TTLL5: variants seen among roughly 807,000 people sequenced by gnomAD.
TTLL5 encodes the protein tubulin polyglutamylase TTLL5.
Under a neutral mutation model 168.4 loss-of-function variants are expected in TTLL5, and 132 were observed. The observed-to-expected ratio is 0.78, with a 90% CI of 0.68 to 0.91. TTLL5 has a LOEUF of 0.91. Among genes scored for constraint, TTLL5 ranks in the 40% least tolerant of loss-of-function variants. TTLL5 has a pLI of 0.00. For synonymous variants in TTLL5, 546 were observed against 558.6 expected, an observed-to-expected ratio of 0.98 and a Z score of 0.32; for missense variants, 1,545 against 1,581.5, an observed-to-expected ratio of 0.98 and a Z score of 0.39.
chr14:75,683,700 A>G, intron 5 of TTLL5, 44 bp downstream of exon 5: 1 of 1,456,042 alleles, frequency 6.9e-7, no homozygotes, highest in Non-Finnish European at 9.6e-7. Context: ...AAGGTACATG[A>G]CATTGGGGCA....
At chr14:75,859,736 A>C (rs904178098) in intron 28 of TTLL5, among the ~76,000 whole-genome samples, 1 of 152,198 alleles carries the variant, frequency 6.6e-6, no homozygotes, top group Non-Finnish European at 1.5e-5. Context: ...ATTGAAATAG[A>C]AAGTATGAGA....
intron 18 of TTLL5, chr14:75,757,965 T>C (rs900037011): frequency 8.2e-7 from 1 of 1,216,680 alleles, no homozygotes; most frequent in Non-Finnish European, 1.1e-6. Context: ...CATTTTTAGT[T>C]TGGTTCAGCT....
At chr14:75,860,076 G>T (rs1408023221) in intron 28 of TTLL5, among the ~76,000 whole-genome samples, 1 of 152,186 alleles carries the variant, frequency 6.6e-6, no homozygotes, top group Admixed American at 6.5e-5. Flanking sequence ...CTGGGCTTAT[G>T]TTACTGAGGA....
At chr14:75,823,440 T>C (rs555132449) in intron 28 of TTLL5, among the ~76,000 whole-genome samples, 2 of 152,128 alleles carry the variant, frequency 1.3e-5, no homozygotes, top group African/African-American at 2.4e-5. Flanking sequence ...CTGTAAAGTC[T>C]TGGCTGCTGC....
intron 5 of TTLL5, 120 bp downstream of exon 5, chr14:75,683,776 CTTTTT>C (rs11406886): frequency 3.9e-5 from 19 of 487,240 alleles, no homozygotes; most frequent in Admixed American, 3.5e-5. Context: ...AGAAGAAGGA[CTTTTT>C]TTTTTTTTTT....
At chr14:75,743,365 A>T (rs184112458) in intron 15 of TTLL5, among the ~76,000 whole-genome samples, 12 of 152,266 alleles carry the variant, frequency 7.9e-5, no homozygotes, top group Non-Finnish European at 1.2e-4. Flanking sequence ...AAAATGCCAT[A>T]GGCTGGGTGG....
At chr14:75,784,008 C>T (rs1265685408) in intron 26 of TTLL5, among the ~76,000 whole-genome samples, 2 of 152,158 alleles carry the variant, frequency 1.3e-5, no homozygotes, top group Non-Finnish European at 2.9e-5. Context: ...TTAATAACAG[C>T]TTTATTGAGA....
chr14:75,935,471 A>G (rs2034407788), intron 31 of TTLL5, among the ~76,000 whole-genome samples: 1 of 152,202 alleles, frequency 6.6e-6, no homozygotes, highest in South Asian at 2.1e-4. Flanking sequence ...TGACAACAAG[A>G]TGATAGGCTG....
At chr14:75,827,707 C>CCTTTTTT (rs1895278984) in intron 28 of TTLL5, among the ~76,000 whole-genome samples, 1 of 53,170 alleles carries the variant, frequency 1.9e-5, no homozygotes, top group Non-Finnish European at 3.1e-5. Context: ...TGGCTTGGTT[C>CCTTTTTT]TTTTTTTTTT....
At chr14:75,725,215 G>A (rs1888118889) in intron 12 of TTLL5, among the ~76,000 whole-genome samples, 1 of 152,214 alleles carries the variant, frequency 6.6e-6, no homozygotes, top group Non-Finnish European at 1.5e-5. Context: ...TTATAGGGAG[G>A]ATGTCCATAA....
intron 28 of TTLL5, among the ~76,000 whole-genome samples, chr14:75,834,459 A>G (rs1023474285): frequency 2.6e-5 from 4 of 152,178 alleles, no homozygotes; most frequent in South Asian, 2.1e-4. Flanking sequence ...CTTTATACCT[A>G]TGTTTTCATG....
intron 4 of TTLL5, among the ~76,000 whole-genome samples, chr14:75,683,288 A>G (rs1263885582): frequency 6.6e-6 from 1 of 152,244 alleles, no homozygotes; most frequent in Admixed American, 6.5e-5. Context: ...GAAATGCAAG[A>G]ATATTAAGAG....
In TTLL5 at chr14:75,715,287, G is replaced by A. The variant is rs971444266; in HGVS notation, c.741-2574G>A. 1.5e-4 allele frequency among the ~76,000 whole-genome samples: 6 copies of A among 39,708 alleles called. No individual in the cohort carries two copies. The East Asian group carries it at 3.6e-3, about 24-fold the overall frequency. 26.0% of individuals were successfully genotyped at this position (39,708 alleles called of 152,430 possible). ...TCCTTTTTTTTTTTTTTTTTTTTTT[G>A]TAACTCACCATCTTCCTCATGTGGG... is the stretch of plus-strand genomic sequence containing the variant. On this transcript the variant is annotated intron_variant, in intron 9 of 31. Transcript: ENST00000298832.
rs775057701 is a variant in TTLL5 at position 75,766,120 on chromosome 14, A to G, written c.1767A>G (p.Glu589=). The change falls in exon 20 of 32, where the codon GAA becomes GAG. Residue 589 remains glutamate, a synonymous_variant. Transcript: ENST00000298832. Reference sequence around the variant, plus strand: ...CTGAGACAGAGAGTGAAGAGGAGGAAGAAGTCGCATTAGATAATGAAGATG... The same window carrying G: ...CTGAGACAGAGAGTGAAGAGGAGGAGGAAGTCGCATTAGATAATGAAGATG... ...VKTETESEEE[E]EVALDNEDEE... The G allele has an allele frequency of 1.2e-6, 2 of 1,614,072 alleles. No homozygotes were observed. The highest frequency in any genetic ancestry group is 2.2e-5 in the South Asian group (2 of 91,074).
Position 75,948,663 on chromosome 14 carries a change from GA to G in TTLL5, c.3824-5758del, listed in dbSNP as rs2034854456. 2.0e-5 allele frequency among the ~76,000 whole-genome samples: 3 copies of G among 151,830 alleles called. No homozygotes were observed. In the South Asian group the frequency reaches 6.2e-4, roughly 32 times the overall value. On this transcript the variant is annotated intron_variant, in intron 31 of 31. Coordinates refer to ENST00000298832, the MANE Select transcript of TTLL5 (RefSeq NM_015072.5). ...AAAAGAAAAACAAAATAAGTCAAAA[GA>G]AAGTAAAAACCAAAAATAATAATAG...
intron 27 of TTLL5, chr14:75,814,508 T>C (rs1894264392): frequency 6.6e-6 from 1 of 152,164 alleles, no homozygotes; most frequent in Admixed American, 6.5e-5. Context: ...CTAATTGGCT[T>C]GTAGGGTTTA....
At chr14:75,836,664 C>T (rs1050579285) in intron 28 of TTLL5, among the ~76,000 whole-genome samples, 6 of 151,752 alleles carry the variant, frequency 4.0e-5, no homozygotes, top group Non-Finnish European at 8.8e-5. Flanking sequence ...TCTCATATAA[C>T]CCATAAGTAT....
chr14:75,756,855 T>C (rs756342129), intron 18 of TTLL5, among the ~76,000 whole-genome samples: 3 of 152,160 alleles, frequency 2.0e-5, no homozygotes, highest in Admixed American at 6.5e-5. Context: ...GAGAGTGTTT[T>C]AAAAGAAAAA....
In TTLL5 at chr14:75,819,951, A is replaced by G. The variant is rs958883651; in HGVS notation, c.3172-56A>G. 1.0e-5 allele frequency: 16 copies of G among 1,538,216 alleles called. No individual in the cohort carries two copies. In the African/African-American group the frequency reaches 2.1e-4, roughly 20 times the overall value. On this transcript the variant is annotated intron_variant, in intron 27 of 31. Transcript: ENST00000298832. ...ACTTGATTTTGCCTATATGTTGTTA[A>G]TGATGCTTTTTAAAAACTCTGTAAA...
Sources: allele counts gnomAD v4.1 joint callset (sites outside exome capture counted in the v4.1 genomes callset), GRCh38; gene constraint gnomAD v4.1.1; transcripts MANE v1.5; gene names NCBI Gene and HGNC (gene_info 2026-07-23, HGNC 2026-07-21).